RSF1: variants seen among roughly 807,000 people sequenced by gnomAD.
The protein encoded by RSF1 is remodeling and spacing factor 1, also known as HBV pX-associated protein 8.
In RSF1, 13 loss-of-function variants were observed where a neutral mutation model predicts 145.2. The ratio of observed to expected loss-of-function variants is 0.09; its 90% CI spans 0.06 to 0.14. RSF1 has a LOEUF of 0.14. Among genes scored for constraint, RSF1 ranks in the 10% least tolerant of loss-of-function variants. The pLI is 1.00. For missense variants in RSF1, 1,517 were observed against 1,718.2 expected, an observed-to-expected ratio of 0.88 and a Z score of 2.07; for synonymous variants, 577 against 592.6, an observed-to-expected ratio of 0.97 and a Z score of 0.38.
At chr11:77,748,365 T>C (rs551874648) in intron 2 of RSF1, among the ~76,000 whole-genome samples, 2 of 151,930 alleles carry the variant, frequency 1.3e-5, no homozygotes, top group East Asian at 3.9e-4. Context: ...GCTGGGGCTA[T>C]AGCCGTGTGC....
chr11:77,735,063 G>C lies in RSF1; in HGVS notation c.578+5668C>G, dbSNP rs537943264. On this transcript the variant is annotated intron_variant, in intron 4 of 15. Transcript: ENST00000308488. ...AGGAGAGGTGGCGGCGGTGGCAGTGGCTGCGTGGCGCTGGGGCGGCGGCAG... is the reference window on the plus strand; with the variant it reads ...AGGAGAGGTGGCGGCGGTGGCAGTGCCTGCGTGGCGCTGGGGCGGCGGCAG... 15 of 1,182,926 alleles carry C rather than the reference G, an allele frequency of 1.3e-5. No homozygotes were observed. The African/African-American group carries it at 2.2e-4, about 18-fold the overall frequency. The allele number at this position is 1,182,926 out of a possible 1,614,324, so 73.3% of individuals were successfully genotyped here.
Position 77,697,563 on chromosome 11 carries a change from A to G in RSF1, c.2715+924T>C, listed in dbSNP as rs1006018782. On this transcript the variant is annotated intron_variant, in intron 7 of 15. Transcript: ENST00000308488. ...ATATATTATATATATAATAGATTAG[A>G]TATTGATTCTCCTGATTCAGGCAAC... Among the ~76,000 whole-genome samples, 24 of 145,042 alleles carry G rather than the reference A, an allele frequency of 1.7e-4. 2 individuals carry two copies. Among genetic ancestry groups the G allele is most frequent in the Admixed American group, 1.3e-3 (18 of 14,190 alleles).
rs563251677 is a variant in RSF1, at chr11:77,700,990, C to T, written c.2239G>A (p.Asp747Asn). 4.3e-5 allele frequency: 69 copies of T among 1,613,500 alleles called. No homozygotes were observed. Among genetic ancestry groups the T allele is most frequent in the African/African-American group, 6.7e-5 (5 of 75,024 alleles). ...IRISSRKKKP[D>N]SPPKVLEPEN... Reference sequence around the variant, plus strand: ...GGTTCTAGAACTTTGGGGGGAGAATCGGGCTTCTTTTTCCGACTTGATATC... The same window carrying T: ...GGTTCTAGAACTTTGGGGGGAGAATTGGGCTTCTTTTTCCGACTTGATATC... Residue 747 changes from aspartate (D) to asparagine (N), a missense_variant, in exon 6 of 16, where the codon GAT becomes AAT. This residue lies in a region of RSF1 where 579 missense variants were observed against 553.5 expected (regional missense o/e 1.05). Transcript: ENST00000308488.
chr11:77,754,435 C>T (rs368202638), intron 2 of RSF1, among the ~76,000 whole-genome samples: 21 of 151,942 alleles, frequency 1.4e-4, no homozygotes, highest in African/African-American at 4.8e-4. Flanking sequence ...GACTCTGTGT[C>T]TACTAAAAAT....
the RSF1 span, among the ~76,000 whole-genome samples, chr11:77,870,970 C>G: frequency 1.3e-5 from 2 of 152,152 alleles, no homozygotes; most frequent in African/African-American, 4.8e-5. Flanking sequence ...CAGTCCTGTT[C>G]CTTACTGATG....
the RSF1 span, among the ~76,000 whole-genome samples, chr11:77,862,058 T>C: frequency 2.6e-5 from 4 of 152,192 alleles, no homozygotes; most frequent in African/African-American, 4.8e-5. Context: ...GTGGACATAA[T>C]TGAATAATTC....
intron 2 of RSF1, among the ~76,000 whole-genome samples, chr11:77,748,580 T>C (rs1948027931): frequency 6.6e-6 from 1 of 152,114 alleles, no homozygotes; most frequent in Non-Finnish European, 1.5e-5. Context: ...AAATATTACA[T>C]GAGGAAGACC....
intron 9 of RSF1, among the ~76,000 whole-genome samples, chr11:77,687,687 G>A (rs1372495305): frequency 6.6e-6 from 1 of 152,002 alleles, no homozygotes; most frequent in African/African-American, 2.4e-5. Flanking sequence ...GTGACAAAGC[G>A]AGACTCTGTC....
At chr11:77,833,488 C>T in the RSF1 span, among the ~76,000 whole-genome samples, 1 of 152,104 alleles carries the variant, frequency 6.6e-6, no homozygotes, top group Admixed American at 6.5e-5. Context: ...GGAGGTAGAG[C>T]TCGGGCAGTA....
At chr11:77,746,797 T>C (rs148145647) in intron 3 of RSF1, among the ~76,000 whole-genome samples, 1 of 152,132 alleles carries the variant, frequency 6.6e-6, no homozygotes, top group Non-Finnish European at 1.5e-5. Context: ...TAAAACTAAT[T>C]TGGAGCAACT....
At chr11:77,788,168 A>AAAAAAAAAAAAAAAAAAAG (rs1948478203) in intron 1 of RSF1, among the ~76,000 whole-genome samples, 2 of 137,608 alleles carry the variant, frequency 1.5e-5, no homozygotes, top group Non-Finnish European at 3.1e-5. Context: ...AAAAAAAAAA[A>AAAAAAAAAAAAAAAAAAAG]AAAAAAAAAT....
In RSF1 at chr11:77,662,376, G is replaced by T. The variant is rs1272810590; in HGVS notation, c.*4541C>A. 1 of 152,012 alleles carries T rather than the reference G, an allele frequency of 6.6e-6. No individual in the cohort carries two copies. Among genetic ancestry groups the T allele is most frequent in the East Asian group, 1.9e-4 (1 of 5,194 alleles). The allele number at this position is 152,012 out of a possible 1,614,324, so 9.4% of individuals were successfully genotyped here. On this transcript the variant is annotated 3_prime_UTR_variant, in exon 16 of 16. Coordinates refer to ENST00000308488, the MANE Select transcript of RSF1 (RefSeq NM_016578.4). ...CCACAAATTGGATCCTCTTCTAATC[G>T]ACTTCCAGGAGGGTTTGCATGAATG...
chr11:77,772,219 G>A (rs1315651747), intron 1 of RSF1, among the ~76,000 whole-genome samples: 1 of 151,434 alleles, frequency 6.6e-6, no homozygotes, highest in Non-Finnish European at 1.5e-5. Context: ...CACTCAGGCT[G>A]GAGTGCAGTG....
chr11:77,827,531 C>T, the RSF1 span, among the ~76,000 whole-genome samples: 2 of 152,102 alleles, frequency 1.3e-5, no homozygotes, highest in Non-Finnish European at 2.9e-5. Flanking sequence ...AAAGAAACAA[C>T]ATAGTCATCT....
chr11:77,870,329 ATTTTTTTTTTTTTTTTTT>A, the RSF1 span, among the ~76,000 whole-genome samples: 3 of 87,982 alleles, frequency 3.4e-5, no homozygotes, highest in Admixed American at 3.7e-4. Context: ...CTATTTTTTA[ATTTTTTTTTTTTTTTTTT>A]TTTTTTTTGA....
Position 77,820,698 on chromosome 11 carries a change from G to A in RSF1, c.17C>T (p.Ala6Val). The change falls in exon 1 of 16, where the codon GCA becomes GTA. Residue 6 changes from alanine to valine, a missense_variant. Coordinates refer to ENST00000308488, the MANE Select transcript of RSF1 (RefSeq NM_016578.4). ...CGGAGGAGCCATCACCGCCGCCGCT[G>A]CCGCCGCCGTCGCCATTTTGAACTG... The part of the protein sequence containing the change: MATAA[A>V]AAAVMAPPGC... The A allele has an allele frequency of 2.6e-6, 4 of 1,550,010 alleles. No homozygotes were observed. The highest frequency in any genetic ancestry group is 1.2e-5 in the South Asian group (1 of 84,050).
At chr11:77,758,383 T>G (rs1457738111) in intron 2 of RSF1, among the ~76,000 whole-genome samples, 1 of 152,194 alleles carries the variant, frequency 6.6e-6, no homozygotes, top group Non-Finnish European at 1.5e-5. Context: ...GTTTCTACCT[T>G]TTGGCTACAG....
the RSF1 span, among the ~76,000 whole-genome samples, chr11:77,836,623 A>T: frequency 6.6e-6 from 1 of 152,212 alleles, no homozygotes. Flanking sequence ...CATACTCGTT[A>T]TGTCTCTCCT....
intron 14 of RSF1, 83 bp from the exon 15 acceptor site, chr11:77,672,313 C>A: frequency 9.3e-7 from 1 of 1,080,556 alleles, no homozygotes; most frequent in Non-Finnish European, 1.3e-6. Flanking sequence ...GAAAAGCTAC[C>A]AAGCAGAGTT....
Sources: gnomAD v4.1 joint callset for allele counts (sites outside exome capture counted in the v4.1 genomes callset) on GRCh38, gnomAD v4.1.1 for gene constraint, gnomAD v4.1.1 regional missense constraint, MANE v1.5 for transcripts, NCBI Gene and HGNC (gene_info 2026-07-23, HGNC 2026-07-21) for gene names.